CACNA1C: variants seen among roughly 807,000 people sequenced by gnomAD.
CACNA1C encodes the protein calcium voltage-gated channel subunit alpha1 C.
In CACNA1C, 30 loss-of-function variants were observed where a neutral mutation model predicts 229.0. The observed-to-expected ratio is 0.13, with a 90% CI of 0.10 to 0.18. The LOEUF (loss-of-function observed/expected upper bound fraction) is 0.18. Ranked by LOEUF, CACNA1C falls within the 10% of genes least tolerant of loss-of-function variation. The pLI, the probability that CACNA1C is intolerant of heterozygous loss-of-function variation, is 1.00. For missense variants in CACNA1C, 1,658 were observed against 2,845.0 expected, an observed-to-expected ratio of 0.58 and a Z score of 9.49; for synonymous variants, 1,114 against 1,132.5, an observed-to-expected ratio of 0.98 and a Z score of 0.33.
At chr12:2,331,831 A>T (rs2096558354) in intron 3 of CACNA1C, among the ~76,000 whole-genome samples, 2 of 150,580 alleles carry the variant, frequency 1.3e-5, no homozygotes, top group African/African-American at 5.0e-5. Context: ...TGTTCTTTTT[A>T]AAAAGGTCAT....
chr12:1,993,063 T>C, intron 1 of CACNA1C: 1 of 743,090 alleles, frequency 1.3e-6, no homozygotes, highest in South Asian at 1.5e-5. Flanking sequence ...TCATCATATT[T>C]ATATTCACTT....
intron 1 of CACNA1C, among the ~76,000 whole-genome samples, chr12:2,072,061 T>TA (rs2061533768): frequency 6.6e-6 from 1 of 152,100 alleles, no homozygotes; most frequent in Admixed American, 6.6e-5. Flanking sequence ...CGGAAAGGGG[T>TA]TATAATAAAT....
intron 9 of CACNA1C, chr12:2,547,411 G>A (rs1347252793): frequency 2.6e-6 from 2 of 778,800 alleles, no homozygotes; most frequent in Non-Finnish European, 4.8e-6. Context: ...TTGATGTCTT[G>A]TTCCTGGTTC....
intron 3 of CACNA1C, among the ~76,000 whole-genome samples, chr12:2,417,087 T>G (rs748243235): frequency 1.3e-5 from 2 of 152,198 alleles, no homozygotes; most frequent in Non-Finnish European, 2.9e-5. Context: ...TTCTATACAA[T>G]GTGGAGCAGC....
chr12:2,630,323 C>T lies in CACNA1C; in HGVS notation c.3829-3974C>T, dbSNP rs1255337153. ...CCTATTACTAATGGTTTCCAGCAAC[C>T]GAGGGGGCGGGCAAAAACAGAGAGA... On this transcript the variant is annotated intron_variant, in intron 29 of 46. Coordinates refer to ENST00000399655, the MANE Select transcript of CACNA1C (RefSeq NM_000719.7). This position sits in a 1 kb window ranked among gnomAD's most constrained non-coding sequence, Gnocchi z 5.4. 1.3e-5 allele frequency among the ~76,000 whole-genome samples: 2 copies of T among 152,076 alleles called. No homozygotes were observed. Among genetic ancestry groups the T allele is most frequent in the African/African-American group, 2.4e-5 (1 of 41,416 alleles).
chr12:2,547,369 T>C (rs560118127), intron 9 of CACNA1C: 2 of 733,916 alleles, frequency 2.7e-6, no homozygotes, highest in East Asian at 2.5e-5. Flanking sequence ...CTTGTTTCTT[T>C]CTCTTGCCCG....
intron 3 of CACNA1C, among the ~76,000 whole-genome samples, chr12:2,396,238 G>T (rs1488732977): frequency 6.6e-6 from 1 of 152,136 alleles, no homozygotes; most frequent in East Asian, 1.9e-4. Context: ...ATCTGTTCAA[G>T]CCTTCTGAGT....
At chr12:2,426,532 T>A (rs572487615) in intron 3 of CACNA1C, among the ~76,000 whole-genome samples, 27 of 152,022 alleles carry the variant, frequency 1.8e-4, no homozygotes, top group Admixed American at 9.8e-4. Flanking sequence ...AGGATGCCCA[T>A]GAAAATTGTG....
chr12:2,546,275 G>A (rs1383925155), intron 9 of CACNA1C, among the ~76,000 whole-genome samples: 2 of 152,078 alleles, frequency 1.3e-5, no homozygotes, highest in African/African-American at 4.8e-5. Context: ...AGTAGCTGGT[G>A]TCTTCACACT....
intron 3 of CACNA1C, among the ~76,000 whole-genome samples, chr12:2,160,095 C>G (rs2095773007): frequency 6.6e-6 from 1 of 152,200 alleles, no homozygotes; most frequent in African/African-American, 2.4e-5. Flanking sequence ...TTACCACCTG[C>G]CCTATACGCC....
At position 2,389,656 on chromosome 12, in the gene CACNA1C, A is replaced by G. The variant is rs74389391; in HGVS notation, c.478-59320A>G. ...ATTTCATTGATGACTGCTTTTGCAG[A>G]GACTCCATTGCCTCCTAATTGTCTA... On this transcript the variant is annotated intron_variant, in intron 3 of 46. Coordinates refer to ENST00000399655, the MANE Select transcript of CACNA1C (RefSeq NM_000719.7). Among the ~76,000 whole-genome samples the G allele has an allele frequency of 3.6e-3, 541 of 152,288 alleles. 8 individuals carry two copies. In the East Asian group the frequency reaches 0.056, roughly 16 times the overall value.
At chr12:2,510,595 G>T (rs768143687) in intron 8 of CACNA1C, among the ~76,000 whole-genome samples, 3 of 152,184 alleles carry the variant, frequency 2.0e-5, no homozygotes, top group Non-Finnish European at 2.9e-5. Context: ...AAACAGGATT[G>T]GGCCAATTGT....
intron 3 of CACNA1C, among the ~76,000 whole-genome samples, chr12:2,299,564 A>G (rs953738776): frequency 6.6e-6 from 1 of 152,148 alleles, no homozygotes; most frequent in Non-Finnish European, 1.5e-5. Flanking sequence ...GAATCCCCCC[A>G]TGATCTTTGA....
At chr12:2,405,915 C>T (rs1431605189) in intron 3 of CACNA1C, among the ~76,000 whole-genome samples, 1 of 152,228 alleles carries the variant, frequency 6.6e-6, no homozygotes, top group Non-Finnish European at 1.5e-5. Flanking sequence ...GCTTAGAGAA[C>T]TTCCTTTTGC....
At chr12:2,199,676 A>G (rs184141785) in intron 3 of CACNA1C, among the ~76,000 whole-genome samples, 2 of 152,132 alleles carry the variant, frequency 1.3e-5, no homozygotes, top group Admixed American at 6.5e-5. Flanking sequence ...ACTGCATTCC[A>G]TCTTCTTGGA....
intron 1 of CACNA1C, among the ~76,000 whole-genome samples, chr12:2,084,264 TC>T (rs1412132051): frequency 6.6e-6 from 1 of 152,164 alleles, no homozygotes; most frequent in Non-Finnish European, 1.5e-5. Flanking sequence ...CTTGGATAGT[TC>T]CAGGGAAGGG....
chr12:2,446,905 G>A (rs1329637088), intron 3 of CACNA1C, among the ~76,000 whole-genome samples: 1 of 152,142 alleles, frequency 6.6e-6, no homozygotes, highest in Non-Finnish European at 1.5e-5. Context: ...ATGGTGAATG[G>A]AAGTGTGAAA....
intron 3 of CACNA1C, among the ~76,000 whole-genome samples, chr12:2,347,672 G>A (rs191291049): frequency 6.6e-6 from 1 of 152,368 alleles, no homozygotes; most frequent in Admixed American, 6.5e-5. Flanking sequence ...TTTGGGATTT[G>A]TGGGAGGGTT....
At position 2,608,912 on chromosome 12, in the gene CACNA1C, T is replaced by A. The variant is rs1381184987; in HGVS notation, c.3558+200T>A. Among the ~76,000 whole-genome samples, 1 of 152,228 alleles carries A rather than the reference T, an allele frequency of 6.6e-6. No homozygotes were observed. The highest frequency in any genetic ancestry group is 1.5e-5 in the Non-Finnish European group (1 of 68,040). ...TGCAAATTCCTGCAAACCCCAGATC[T>A]GGCAAATGTACTCAGCCAACAAATA... On this transcript the variant is annotated intron_variant, in intron 27 of 46. Transcript: ENST00000399655. The surrounding 1 kb of genome is among the most constrained non-coding windows in gnomAD (Gnocchi z 4.2).
Sources: allele counts gnomAD v4.1 joint callset (sites outside exome capture counted in the v4.1 genomes callset), GRCh38; gene constraint gnomAD v4.1.1; non-coding constraint Gnocchi (gnomAD v3.1); transcripts MANE v1.5; gene names NCBI Gene and HGNC (gene_info 2026-07-23, HGNC 2026-07-21).